Variants in OR51C1 observed in about 807,000 individuals in gnomAD.
OR51C1 encodes the protein olfactory receptor family 51 subfamily C member 1, also known as olfactory receptor OR51C1.
chr11:4,692,212 A>G, the OR51C1 span: 1 of 448,494 alleles, frequency 2.2e-6, no homozygotes, highest in Non-Finnish European at 4.5e-6. Flanking sequence ...AAGCCAGAAA[A>G]TATGAAGAAA....
At chr11:4,695,724 T>C in the OR51C1 span, among the ~76,000 whole-genome samples, 1 of 152,122 alleles carries the variant, frequency 6.6e-6, no homozygotes, top group Non-Finnish European at 1.5e-5. Flanking sequence ...GTTTACCTCC[T>C]CCTCCTTGAA....
At chr11:4,695,188 C>A in the OR51C1 span, among the ~76,000 whole-genome samples, 1 of 152,180 alleles carries the variant, frequency 6.6e-6, no homozygotes, top group Non-Finnish European at 1.5e-5. Context: ...ACATTTCTAA[C>A]ATTTTATTCA....
the OR51C1 span, among the ~76,000 whole-genome samples, chr11:4,695,018 T>A: frequency 1.3e-5 from 2 of 152,186 alleles, no homozygotes; most frequent in African/African-American, 2.4e-5. Flanking sequence ...AGCCAGTTTG[T>A]TGGATAACTA....
the OR51C1 span, among the ~76,000 whole-genome samples, chr11:4,697,306 A>G: frequency 1.3e-5 from 2 of 152,220 alleles, no homozygotes; most frequent in African/African-American, 4.8e-5. Context: ...GCTGTGTCTA[A>G]TACCAGTAGC....
chr11:4,696,812 C>G, the OR51C1 span, among the ~76,000 whole-genome samples: 2 of 152,208 alleles, frequency 1.3e-5, no homozygotes, highest in Non-Finnish European at 2.9e-5. Flanking sequence ...TTGTGGCTGT[C>G]TTAATCTGCT....
the OR51C1 span, among the ~76,000 whole-genome samples, chr11:4,695,469 G>A: frequency 6.6e-6 from 1 of 152,134 alleles, no homozygotes; most frequent in Admixed American, 6.5e-5. Context: ...TTGATAGTGA[G>A]GGATACAAGA....
At chr11:4,692,438 T>G in the OR51C1 span, among the ~76,000 whole-genome samples, 1 of 152,270 alleles carries the variant, frequency 6.6e-6, no homozygotes, top group Non-Finnish European at 1.5e-5. Flanking sequence ...TTCAGTCTGC[T>G]GGAAGACTAG....
chr11:4,691,194 T>C, the OR51C1 span: 2 of 456,676 alleles, frequency 4.4e-6, no homozygotes, highest in Non-Finnish European at 8.8e-6. Context: ...GCTGTGGCAG[T>C]AGGAAAGTCT....
the OR51C1 span, chr11:4,690,963 A>G: frequency 1.5e-5 from 7 of 454,240 alleles, no homozygotes; most frequent in South Asian, 9.4e-5. Context: ...AAAAGCCACA[A>G]TGTGGGAGAC....
the OR51C1 span, chr11:4,691,213 G>A: frequency 2.2e-6 from 1 of 456,696 alleles, no homozygotes; most frequent in Non-Finnish European, 4.4e-6. Context: ...CTTATAAGAA[G>A]TGCTACCATT....
chr11:4,692,966 A>G, the OR51C1 span, among the ~76,000 whole-genome samples: 1 of 152,204 alleles, frequency 6.6e-6, no homozygotes, highest in Non-Finnish European at 1.5e-5. Flanking sequence ...ATAGCTTTAG[A>G]TTCTGAAATT....
chr11:4,697,279 T>C, the OR51C1 span, among the ~76,000 whole-genome samples: 1 of 152,220 alleles, frequency 6.6e-6, no homozygotes, highest in Admixed American at 6.5e-5. Context: ...TTTCCTCATC[T>C]ATAAGACAGG....
chr11:4,693,905 A>G, the OR51C1 span, among the ~76,000 whole-genome samples: 1 of 152,218 alleles, frequency 6.6e-6, no homozygotes, highest in African/African-American at 2.4e-5. Flanking sequence ...AGTGAGGCAG[A>G]AAGAGCAGAA....
chr11:4,697,111 C>G, the OR51C1 span, among the ~76,000 whole-genome samples: 1 of 152,210 alleles, frequency 6.6e-6, no homozygotes, highest in African/African-American at 2.4e-5. Flanking sequence ...GGTAAAGACA[C>G]TGAGTATCAG....
chr11:4,691,110 C>T, the OR51C1 span: 1 of 456,634 alleles, frequency 2.2e-6, no homozygotes, highest in South Asian at 1.6e-5. Context: ...CCCAACTGCA[C>T]TGTTGATTCT....
the OR51C1 span, among the ~76,000 whole-genome samples, chr11:4,692,880 TTTAACTAAAA>T: frequency 6.6e-6 from 1 of 151,906 alleles, no homozygotes; most frequent in South Asian, 2.1e-4. Flanking sequence ...GGGGGTGTGA[TTTAACTAAAA>T]TTAACAGAAA....
the OR51C1 span, chr11:4,691,226 T>G: frequency 1.3e-5 from 6 of 456,682 alleles, no homozygotes; most frequent in Admixed American, 7.1e-5. Flanking sequence ...CTACCATTGG[T>G]GTCAGCATTA....
At chr11:4,695,704 T>C in the OR51C1 span, among the ~76,000 whole-genome samples, 7 of 152,160 alleles carry the variant, frequency 4.6e-5, no homozygotes, top group African/African-American at 1.7e-4. Context: ...TCATCTCAAC[T>C]TTCAGCAATG....
the OR51C1 span, among the ~76,000 whole-genome samples, chr11:4,692,786 G>A: frequency 6.8e-5 from 10 of 146,640 alleles, no homozygotes; most frequent in Non-Finnish European, 1.5e-5. Context: ...GAACCTCAAC[G>A]TATCCAGACT....
Sources: gnomAD v4.1 joint callset for allele counts (sites outside exome capture counted in the v4.1 genomes callset) on GRCh38, gnomAD v4.1.1 for gene constraint, MANE v1.5 for transcripts, NCBI Gene and HGNC (gene_info 2026-07-23, HGNC 2026-07-21) for gene names.